Variants in ATP11C observed in about 807,000 individuals in gnomAD.
ATP11C encodes the protein phospholipid-transporting ATPase IG.
ATP11C carries 36 observed loss-of-function variants against 97.4 expected under a neutral mutation model. The ratio of observed to expected loss-of-function variants is 0.37; its 90% CI spans 0.28 to 0.49. The LOEUF is 0.49. ATP11C is among the 20% of genes least tolerant of loss of function. ATP11C has a pLI of 0.98. For missense variants in ATP11C, 730 were observed against 824.6 expected (o/e 0.89, Z 1.40); for synonymous variants, 275 against 290.9 (o/e 0.95, Z 0.56).
chrX:139,751,491 G>A (rs1437320315), intron 23 of ATP11C, among the ~76,000 whole-genome samples: 1 of 112,165 alleles, frequency 8.9e-6, no homozygotes, highest in African/African-American at 3.2e-5. Flanking sequence ...TCAAAGGAGA[G>A]GACTAGTCCG....
At chrX:139,761,505 A>C (rs2082037703) in intron 22 of ATP11C, among the ~76,000 whole-genome samples, 1 of 110,974 alleles carries the variant, frequency 9.0e-6, no homozygotes, top group Non-Finnish European at 1.9e-5. Context: ...GAAAATTTTT[A>C]TTTTTGTAGA....
chrX:139,825,067 A>G (rs1340443873), intron 2 of ATP11C, among the ~76,000 whole-genome samples: 1 of 111,502 alleles, frequency 9.0e-6, no homozygotes, highest in Non-Finnish European at 1.9e-5. Context: ...CACACATTCA[A>G]AACACATGAA....
At chrX:139,800,275 G>T (rs2082899903) in intron 7 of ATP11C, among the ~76,000 whole-genome samples, 165 bp from the exon 8 acceptor site, 1 of 111,477 alleles carries the variant, frequency 9.0e-6, no homozygotes, top group Non-Finnish European at 1.9e-5. Flanking sequence ...AAGTTATGTT[G>T]AATTGATAAG....
At chrX:139,775,455 C>T (rs1391843206) in intron 18 of ATP11C, among the ~76,000 whole-genome samples, 1 of 111,820 alleles carries the variant, frequency 8.9e-6, no homozygotes, top group Non-Finnish European at 1.9e-5. Context: ...CAGTTGTCCT[C>T]ATAAAAAAGA....
chrX:139,793,751 T>A (rs2082739245), intron 12 of ATP11C, among the ~76,000 whole-genome samples: 1 of 112,088 alleles, frequency 8.9e-6, no homozygotes, highest in Non-Finnish European at 1.9e-5. Flanking sequence ...ATGGTGACTG[T>A]CACTGATGTT....
chrX:139,902,552 G>A (rs1394875562), intron 1 of ATP11C, among the ~76,000 whole-genome samples: 1 of 111,880 alleles, frequency 8.9e-6, no homozygotes, highest in Non-Finnish European at 1.9e-5. Flanking sequence ...AGGGCTGCAA[G>A]TACAAGTGTT....
At chrX:139,806,230 CCTCA>C (rs1157238786) in intron 5 of ATP11C, among the ~76,000 whole-genome samples, 1 of 111,165 alleles carries the variant, frequency 9.0e-6, no homozygotes. Context: ...GGGATTTAGG[CCTCA>C]CTCTAAAGGT....
chrX:139,782,824 A>T, intron 17 of ATP11C, 96 bp from the exon 18 acceptor site: 1 of 633,202 alleles, frequency 1.6e-6, no homozygotes, highest in Non-Finnish European at 2.4e-6. Context: ...CCATATGGAC[A>T]AGAGAAATTC....
chrX:139,892,189 G>A (rs779254636), intron 1 of ATP11C, among the ~76,000 whole-genome samples: 1 of 111,401 alleles, frequency 9.0e-6, no homozygotes, highest in Non-Finnish European at 1.9e-5. Context: ...AGGTTCCAGA[G>A]AAAGAAAACT....
At chrX:139,877,881 G>A (rs2084500556) in intron 1 of ATP11C, among the ~76,000 whole-genome samples, 1 of 110,950 alleles carries the variant, frequency 9.0e-6, no homozygotes, top group Admixed American at 9.6e-5. Flanking sequence ...AAATTAGGTG[G>A]GCGTGGTGGC....
At chrX:139,805,124 T>A (rs1006650625) in intron 5 of ATP11C, among the ~76,000 whole-genome samples, 4 of 109,454 alleles carry the variant, frequency 3.7e-5, no homozygotes, top group Non-Finnish European at 3.8e-5. Flanking sequence ...AATATTTGAA[T>A]TTTTTTTTTC....
At chrX:139,841,670 A>G (rs1429857205) in intron 1 of ATP11C, among the ~76,000 whole-genome samples, 1 of 112,700 alleles carries the variant, frequency 8.9e-6, no homozygotes, top group African/African-American at 3.2e-5. Context: ...AATCTTGTGT[A>G]GAAGAACAAC....
rs1387521664 is a variant in ATP11C at position 139,804,559 on chromosome X, G to C, written c.467C>G (p.Pro156Arg). 7 of 1,196,253 alleles carry C rather than the reference G, an allele frequency of 5.9e-6. No individual in the cohort carries two copies. The highest frequency in any genetic ancestry group is 7.9e-6 in the Non-Finnish European group (7 of 885,428). The change falls in exon 6 of 30, where the codon CCC (proline) becomes CGC (arginine). Residue 156 changes from proline to arginine, a missense_variant. By Grantham distance (103) the Pro-to-Arg change is moderately radical. Coordinates refer to ENST00000682941, the MANE Select transcript of ATP11C (RefSeq NM_001353812.2). ...AGATGATAGAAGAATAAGATCACAG[G>C]GAAAGGTTTCATCTGCCTGTACTTC... ...VVEVQADETF[P>R]CDLILLSSCT...
At chrX:139,805,804 G>T (rs1262083524) in intron 5 of ATP11C, among the ~76,000 whole-genome samples, 2 of 111,988 alleles carry the variant, frequency 1.8e-5, no homozygotes, top group Non-Finnish European at 3.8e-5. Context: ...TAAAGATGAG[G>T]ATTTCAAGAC....
chrX:139,844,316 G>C (rs1281530528), intron 1 of ATP11C, among the ~76,000 whole-genome samples: 1 of 112,445 alleles, frequency 8.9e-6, no homozygotes, highest in Non-Finnish European at 1.9e-5. Context: ...AATGCAAGGA[G>C]TAGCAGAGAG....
intron 1 of ATP11C, among the ~76,000 whole-genome samples, chrX:139,847,689 C>T (rs1475414505): frequency 3.9e-5 from 4 of 102,371 alleles, no homozygotes. Context: ...GAAATCAGAG[C>T]AAGAACCTAT....
At chrX:139,775,788 G>A (rs1296513441) in intron 18 of ATP11C, among the ~76,000 whole-genome samples, 1 of 112,812 alleles carries the variant, frequency 8.9e-6, no homozygotes, top group Non-Finnish European at 1.9e-5. Flanking sequence ...ATGCAGGCAT[G>A]TCAGTACTCC....
intron 1 of ATP11C, among the ~76,000 whole-genome samples, chrX:139,850,321 G>A (rs1041679393): frequency 9.0e-6 from 1 of 111,375 alleles, no homozygotes; most frequent in Non-Finnish European, 1.9e-5. Context: ...GTCATGATCA[G>A]AATGTTGGTA....
intron 1 of ATP11C, among the ~76,000 whole-genome samples, chrX:139,829,149 A>C (rs1231120034): frequency 1.8e-5 from 2 of 111,684 alleles, no homozygotes; most frequent in Non-Finnish European, 3.8e-5. Flanking sequence ...AGCCTGAAAG[A>C]AGCAGCAGAA....
Sources: gnomAD v4.1 joint callset for allele counts (sites outside exome capture counted in the v4.1 genomes callset) on GRCh38, gnomAD v4.1.1 for gene constraint, MANE v1.5 for transcripts, NCBI Gene and HGNC (gene_info 2026-07-23, HGNC 2026-07-21) for gene names.